Variants in RFC1 observed in about 807,000 individuals in gnomAD.
RFC1 encodes replication factor C subunit 1.
RFC1 carries 37 observed loss-of-function variants against 137.4 expected under a neutral mutation model. That is an observed-to-expected ratio of 0.27 (90% confidence interval 0.21 to 0.35). The LOEUF is 0.35. Ranked by LOEUF, RFC1 falls within the 10% of genes least tolerant of loss-of-function variation. The probability of loss-of-function intolerance (pLI) is 1.00; values close to 1 mark genes in which losing one functional copy is unlikely to be tolerated. For synonymous variants in RFC1, 429 were observed against 455.7 expected, an observed-to-expected ratio of 0.94 and a Z score of 0.75; for missense variants, 1,205 against 1,358.5, an observed-to-expected ratio of 0.89 and a Z score of 1.78.
In RFC1 at chr4:39,312,891, G is replaced by A. The variant is rs1739032509; in HGVS notation, c.1244C>T (p.Thr415Ile). 1.2e-6 allele frequency: 2 copies of A among 1,614,040 alleles called. No homozygotes were observed. Among genetic ancestry groups the A allele is most frequent in the African/African-American group, 2.7e-5 (2 of 75,026 alleles). The stretch of plus-strand genomic sequence containing the variant: ...TCGTTCAATAGACTCCAGCACGCCT[G>A]TGATTACAAATATAAGGCCTTCCAA... The part of the protein sequence containing the change: ...NCLEGLIFVI[T>I]GVLESIERDE... The change falls in exon 11 of 25, where the codon ACA (threonine) becomes ATA (isoleucine). Residue 415 changes from threonine (T) to isoleucine (I), a missense_variant. Physicochemically the swap from Thr to Ile is moderately conservative, Grantham distance 89. Around this residue, in one of 3 missense-constraint regions of RFC1, gnomAD observed 962 missense variants for 1,035.3 expected, o/e 0.93. Transcript: ENST00000349703.
chr4:39,343,031 A>G (rs1740680519), intron 3 of RFC1, among the ~76,000 whole-genome samples: 1 of 150,738 alleles, frequency 6.6e-6, no homozygotes, highest in East Asian at 1.9e-4. Context: ...TAATCTCCCT[A>G]TTTTTTTTTC....
chr4:39,307,218 A>T (rs1315316820), intron 13 of RFC1, among the ~76,000 whole-genome samples: 1 of 152,234 alleles, frequency 6.6e-6, no homozygotes. Flanking sequence ...CTACATGGTC[A>T]CAAGAAGAAA....
intron 8 of RFC1, 102 bp downstream of exon 8, chr4:39,321,185 C>G: frequency 1.1e-6 from 1 of 901,480 alleles, no homozygotes; most frequent in South Asian, 1.6e-5. Flanking sequence ...TAATGTCTAC[C>G]TAACAATACA....
chr4:39,289,084 G>A (rs556364930), intron 24 of RFC1, among the ~76,000 whole-genome samples: 16 of 152,316 alleles, frequency 1.1e-4, no homozygotes, highest in African/African-American at 2.9e-4. Flanking sequence ...ACTAGGATCC[G>A]TTCCCCATGT....
Position 39,327,617 on chromosome 4 carries a change from T to G in RFC1, c.471A>C (p.Pro157=). 1 of 1,613,846 alleles carries G rather than the reference T, an allele frequency of 6.2e-7. No individual in the cohort carries two copies. Among genetic ancestry groups the G allele is most frequent in the Non-Finnish European group, 8.5e-7 (1 of 1,179,856 alleles). ...NTKTKNKPLS[P]IKLTPTSVLD... is the part of the protein sequence containing the mutation. The stretch of plus-strand genomic sequence containing the variant: ...GTACTGATGTGGGTGTAAGTTTTAT[T>G]GGTGATAAAGGCTTATTCTTGGTCT... Residue 157 remains proline (P), a synonymous_variant, in exon 5 of 25, where the codon CCA becomes CCC. Coordinates refer to ENST00000349703, the MANE Select transcript of RFC1 (RefSeq NM_002913.5).
At chr4:39,305,444 T>C (rs1214614638) in intron 14 of RFC1, among the ~76,000 whole-genome samples, 1 of 151,946 alleles carries the variant, frequency 6.6e-6, no homozygotes, top group African/African-American at 2.4e-5. Flanking sequence ...CCATCTCGAC[T>C]AAAAATACAA....
chr4:39,299,977 T>C (rs776985756), intron 21 of RFC1, 44 bp downstream of exon 21: 2 of 1,100,756 alleles, frequency 1.8e-6, no homozygotes, highest in Non-Finnish European at 2.8e-6. Flanking sequence ...TTAGTTCTCT[T>C]AGTAAAAGCA....
chr4:39,336,295 C>T (rs554698108), intron 4 of RFC1, among the ~76,000 whole-genome samples: 7 of 143,152 alleles, frequency 4.9e-5, no homozygotes, highest in Admixed American at 4.3e-4. Flanking sequence ...GAAATGAAGT[C>T]CTAATTGTCA....
chr4:39,295,793 G>A lies in RFC1; in HGVS notation c.2809-34C>T. On this transcript the variant is annotated intron_variant, in intron 21 of 24. Transcript: ENST00000349703. ...AAATCAATTGCAGTCCAGAATTTAT[G>A]TTCCGTACAAAGTTACTTCCTTAAT... 2.5e-6 allele frequency: 4 copies of A among 1,592,986 alleles called. No individual in the cohort carries two copies. In the South Asian group the frequency reaches 4.6e-5, roughly 18 times the overall value.
intron 21 of RFC1, chr4:39,297,562 G>A (rs910152888): frequency 6.6e-6 from 1 of 151,678 alleles, no homozygotes; most frequent in Non-Finnish European, 1.5e-5. Flanking sequence ...TCAGACAGTT[G>A]TAGGTATGCG....
At position 39,342,439 on chromosome 4, in the gene RFC1, T is replaced by A. The variant is rs768760703; in HGVS notation, c.237A>T (p.Val79=). Residue 79 remains valine, a synonymous_variant, in exon 4 of 25, where the codon GTA becomes GTT. Coordinates refer to ENST00000349703, the MANE Select transcript of RFC1 (RefSeq NM_002913.5). ...SDSESEETLQ[V]KNAKKPPEKL... The stretch of plus-strand genomic sequence containing the variant: ...TTTCTGGTGGCTTTTTGGCATTTTT[T>A]ACCTGCAACGTCTCCTCTGACTCTG... The A allele has an allele frequency of 1.2e-5, 19 of 1,613,236 alleles. No homozygotes were observed. Among genetic ancestry groups the A allele is most frequent in the Non-Finnish European group, 1.5e-5 (18 of 1,179,482 alleles).
chr4:39,311,942 G>A lies in RFC1; in HGVS notation c.1384-393C>T, dbSNP rs369593354. 2.0e-5 allele frequency among the ~76,000 whole-genome samples: 3 copies of A among 152,170 alleles called. No individual in the cohort carries two copies. In the East Asian group the frequency reaches 5.8e-4, roughly 29 times the overall value. On this transcript the variant is annotated intron_variant, in intron 11 of 24. Transcript: ENST00000349703. Reference sequence around the variant, plus strand: ...TCTTCCCTGCTGATGGAACTCCAATGTGTCCTTCTTCAAGTGATGAATGAT... The same window carrying A: ...TCTTCCCTGCTGATGGAACTCCAATATGTCCTTCTTCAAGTGATGAATGAT...
intron 19 of RFC1, among the ~76,000 whole-genome samples, chr4:39,301,196 A>G (rs1221620635): frequency 6.6e-6 from 1 of 152,226 alleles, no homozygotes; most frequent in Non-Finnish European, 1.5e-5. Context: ...CACATACTAC[A>G]TGATTCCAAC....
intron 10 of RFC1, among the ~76,000 whole-genome samples, chr4:39,314,476 T>G (rs1004079295): frequency 2.0e-5 from 3 of 152,170 alleles, no homozygotes; most frequent in African/African-American, 7.2e-5. Flanking sequence ...GCTAAGCTCT[T>G]ACTCCAGGAG....
In RFC1 at chr4:39,356,728, T is replaced by C. The variant is rs150316743; in HGVS notation, c.4-5252A>G. ...AAAAACAAAAATATACTTTCACTTT[T>C]AGTAGGACATTTCCTCTTCTTTAAA... On this transcript the variant is annotated intron_variant, in intron 1 of 24. Transcript: ENST00000349703. Among the ~76,000 whole-genome samples the C allele has an allele frequency of 3.4e-3, 520 of 152,366 alleles. 4 individuals are homozygous for C. The highest frequency in any genetic ancestry group is 0.012 in the African/African-American group (502 of 41,590).
At chr4:39,292,626 A>ATTTAT (rs1462587856) in intron 22 of RFC1, among the ~76,000 whole-genome samples, 1 of 147,734 alleles carries the variant, frequency 6.8e-6, no homozygotes, top group African/African-American at 2.5e-5. Context: ...TTATTTATTT[A>ATTTAT]TTTATTTATT....
intron 4 of RFC1, among the ~76,000 whole-genome samples, chr4:39,337,987 C>CT (rs1222253481): frequency 1.3e-5 from 2 of 152,162 alleles, no homozygotes; most frequent in Non-Finnish European, 2.9e-5. Flanking sequence ...TTCGATCAAA[C>CT]AACAGGCCCT....
intron 7 of RFC1, among the ~76,000 whole-genome samples, chr4:39,323,027 C>T (rs1739597288): frequency 6.6e-6 from 1 of 152,068 alleles, no homozygotes; most frequent in African/African-American, 2.4e-5. Context: ...AAAGGTTGCA[C>T]TGAGCCCAGA....
intron 24 of RFC1, 70 bp from the exon 25 acceptor site, chr4:39,288,914 T>C (rs2109567892): frequency 2.1e-6 from 2 of 966,502 alleles, no homozygotes; most frequent in South Asian, 2.8e-5. Flanking sequence ...TTCATCTCTA[T>C]AACAAATCTA....
Sources: gnomAD v4.1 joint callset for allele counts (sites outside exome capture counted in the v4.1 genomes callset) on GRCh38, gnomAD v4.1.1 for gene constraint, gnomAD v4.1.1 regional missense constraint, MANE v1.5 for transcripts, NCBI Gene and HGNC (gene_info 2026-07-23, HGNC 2026-07-21) for gene names.